Variants in CUX1 observed in about 807,000 individuals in gnomAD.
CUX1 encodes the protein protein CASP.
In CUX1, 31 loss-of-function variants were observed where a neutral mutation model predicts 158.8. The ratio of observed to expected loss-of-function variants is 0.20; its 90% CI spans 0.15 to 0.26. The LOEUF (loss-of-function observed/expected upper bound fraction) is 0.26. Among genes scored for constraint, CUX1 ranks in the 10% least tolerant of loss-of-function variants. The pLI is 1.00. For synonymous variants in CUX1, 879 were observed against 862.1 expected (o/e 1.02, Z -0.34); for missense variants, 1,589 against 2,014.6 (o/e 0.79, Z 4.04).
downstream of CUX1, among the ~76,000 whole-genome samples, chr7:102,258,545 C>G (rs939766220): frequency 3.3e-5 from 5 of 152,222 alleles, no homozygotes; most frequent in African/African-American, 1.2e-4. Context: ...CCCTTACCCT[C>G]CCTGGCGTCC....
rs1790058614 is a variant in CUX1, at chr7:102,257,780, C to G, written c.*8738C>G. 1 of 984,814 alleles carries G rather than the reference C, an allele frequency of 1.0e-6. No individual in the cohort carries two copies. The highest frequency in any genetic ancestry group is 1.2e-6 in the Non-Finnish European group (1 of 829,866). 61.0% of individuals were successfully genotyped at this position (984,814 alleles called of 1,614,324 possible). A position where few individuals can be genotyped will look rare whatever the true frequency, so the allele number is the denominator to read the frequency against. On this transcript the variant is annotated 3_prime_UTR_variant, in exon 24 of 24. Coordinates refer to ENST00000292535, the MANE Select transcript of CUX1 (RefSeq NM_181552.4). ...AGTATTTTATATTTTCTGTAACGCA[C>G]CAAGTCTTAGATCTTTCTAGAGCTT...
chr7:101,934,561 G>A (rs149564921), intron 2 of CUX1, among the ~76,000 whole-genome samples: 52 of 152,282 alleles, frequency 3.4e-4, no homozygotes, highest in Non-Finnish European at 6.6e-4. Context: ...TCTCAGCCCC[G>A]AGCCTCTCAT....
chr7:102,118,437 C>A (rs1313730376), intron 8 of CUX1, among the ~76,000 whole-genome samples: 1 of 152,106 alleles, frequency 6.6e-6, no homozygotes, highest in Admixed American at 6.6e-5. Flanking sequence ...ACTTATGAGT[C>A]TGAAGTGGGA....
At chr7:102,066,459 C>G (rs991872002) in intron 3 of CUX1, among the ~76,000 whole-genome samples, 1 of 152,094 alleles carries the variant, frequency 6.6e-6, no homozygotes, top group African/African-American at 2.4e-5. Context: ...CGAAGTGTGC[C>G]GTGCAAATTA....
In CUX1 at chr7:102,250,550, G is replaced by A. The variant is rs1423020077; in HGVS notation, c.*1508G>A. ...TTCCTTTCTCTGCAGGAGAGAGAAC[G>A]TGGCATTCTGGGCTCCCCACTCCCA... On this transcript the variant is annotated 3_prime_UTR_variant, in exon 24 of 24. Coordinates refer to ENST00000292535, the MANE Select transcript of CUX1 (RefSeq NM_181552.4). 2 of 985,322 alleles carry A rather than the reference G, an allele frequency of 2.0e-6. No individual in the cohort carries two copies. The highest frequency in any genetic ancestry group is 2.4e-6 in the Non-Finnish European group (2 of 829,944). 61.0% of individuals were successfully genotyped at this position (985,322 alleles called of 1,614,324 possible). A position where few individuals can be genotyped will look rare whatever the true frequency, so the allele number is the denominator to read the frequency against.
chr7:101,838,088 T>G (rs546888762), intron 1 of CUX1, among the ~76,000 whole-genome samples: 1 of 151,880 alleles, frequency 6.6e-6, no homozygotes, highest in Admixed American at 6.6e-5. Flanking sequence ...AGTGTGGCAC[T>G]GTGCCCTAAA....
chr7:101,988,443 G>A (rs766393755), intron 2 of CUX1, among the ~76,000 whole-genome samples: 1 of 152,058 alleles, frequency 6.6e-6, no homozygotes, highest in Non-Finnish European at 1.5e-5. Flanking sequence ...GGCCTCTCGG[G>A]TGCTTCTGCG....
intron 3 of CUX1, among the ~76,000 whole-genome samples, chr7:102,053,802 C>CTTT (rs750818355): frequency 4.5e-4 from 54 of 119,850 alleles, no homozygotes; most frequent in African/African-American, 5.7e-4. Flanking sequence ...TGTCTTCTCA[C>CTTT]TTTTTTTTTT....
At chr7:102,007,022 A>G (rs202147) in intron 2 of CUX1, among the ~76,000 whole-genome samples, 95,159 of 152,164 alleles carry the variant, frequency 0.63, 30,469 homozygotes, top group East Asian at 0.96. Flanking sequence ...CTGCCTTGGG[A>G]TGGATCTCTC....
At chr7:102,148,836 AC>A (rs1375110215) in intron 8 of CUX1, among the ~76,000 whole-genome samples, 28 of 148,508 alleles carry the variant, frequency 1.9e-4, no homozygotes, top group Non-Finnish European at 1.0e-4. Context: ...TTTTTCCCTC[AC>A]CCCCCTCCCA....
intron 3 of CUX1, among the ~76,000 whole-genome samples, chr7:102,059,674 C>T (rs1283572478): frequency 6.6e-6 from 1 of 151,686 alleles, no homozygotes; most frequent in African/African-American, 2.4e-5. Context: ...CAAGATTTGG[C>T]CTGCGTACGT....
rs782637591 is a variant in CUX1, at chr7:102,201,551, C to T, written c.2254C>T (p.Pro752Ser). ...TPKLLSTSPM[P>S]TVSSYPPLAI... The stretch of plus-strand genomic sequence containing the variant: ...CAAGCTTCTGTCCACCTCGCCCATG[C>T]CCACCGTGTCCAGCTACCCACCTCT... The change falls in exon 18 of 24, where the codon CCC (proline) becomes TCC (serine). Residue 752 changes from proline to serine, a missense_variant. Pro to Ser is a moderately conservative substitution (Grantham distance 74). Coordinates refer to ENST00000292535, the MANE Select transcript of CUX1 (RefSeq NM_181552.4). This position sits in a 1 kb window ranked among gnomAD's most constrained non-coding sequence, Gnocchi z 5.0. 1.2e-6 allele frequency: 2 copies of T among 1,614,062 alleles called. No individual in the cohort carries two copies. The highest frequency in any genetic ancestry group is 2.2e-5 in the East Asian group (1 of 44,874).
At chr7:102,226,572 C>T (rs1218847874) in intron 20 of CUX1, among the ~76,000 whole-genome samples, 1 of 152,192 alleles carries the variant, frequency 6.6e-6, no homozygotes, top group Non-Finnish European at 1.5e-5. Flanking sequence ...AACCTAGGTC[C>T]TGAGACCCAG....
At chr7:102,113,462 G>A (rs1243310484) in intron 7 of CUX1, among the ~76,000 whole-genome samples, 2 of 151,998 alleles carry the variant, frequency 1.3e-5, no homozygotes, top group African/African-American at 4.8e-5. Flanking sequence ...CGCCATGTTG[G>A]CCAAGCTGGT....
intron 2 of CUX1, among the ~76,000 whole-genome samples, chr7:101,987,834 T>C (rs1814531384): frequency 6.6e-6 from 1 of 152,210 alleles, no homozygotes; most frequent in Non-Finnish European, 1.5e-5. Context: ...CAAATACACA[T>C]GATTTTTCAT....
chr7:101,861,722 T>C (rs1797477712), intron 1 of CUX1, among the ~76,000 whole-genome samples: 1 of 152,012 alleles, frequency 6.6e-6, no homozygotes, highest in South Asian at 2.1e-4. Context: ...GGTAGCCATG[T>C]GTCAGTCACT....
At chr7:102,101,642 G>T (rs760164903) in intron 5 of CUX1, among the ~76,000 whole-genome samples, 20 of 152,198 alleles carry the variant, frequency 1.3e-4, no homozygotes, top group Non-Finnish European at 2.4e-4. Flanking sequence ...AGGCATGGTG[G>T]CTCATGCCTG....
At chr7:101,860,745 CT>C in intron 1 of CUX1, among the ~76,000 whole-genome samples, 1 of 131,494 alleles carries the variant, frequency 7.6e-6, no homozygotes, top group Admixed American at 7.7e-5. Flanking sequence ...CCCTTCCTTC[CT>C]TCCTTCCTTC....
chr7:102,080,908 C>G (rs187581294), intron 4 of CUX1, among the ~76,000 whole-genome samples: 2 of 152,336 alleles, frequency 1.3e-5, no homozygotes, highest in Admixed American at 6.5e-5. Context: ...AGACTGGCCC[C>G]GACCTTAGAT....
Sources: allele counts gnomAD v4.1 joint callset (sites outside exome capture counted in the v4.1 genomes callset), GRCh38; gene constraint gnomAD v4.1.1; non-coding constraint Gnocchi (gnomAD v3.1); transcripts MANE v1.5; gene names NCBI Gene and HGNC (gene_info 2026-07-23, HGNC 2026-07-21).